DDX46: variants seen among roughly 807,000 people sequenced by gnomAD.
DDX46 encodes the protein probable ATP-dependent RNA helicase DDX46.
In DDX46, 30 loss-of-function variants were observed where a neutral mutation model predicts 134.9. That is an observed-to-expected ratio of 0.22 (90% CI 0.17 to 0.30). The LOEUF is 0.30. Among genes scored for constraint, DDX46 ranks in the 10% least tolerant of loss-of-function variants. The pLI is 1.00. For missense variants in DDX46, 622 were observed against 1,248.7 expected, an observed-to-expected ratio of 0.50 and a Z score of 7.56; for synonymous variants, 415 against 404.1, an observed-to-expected ratio of 1.03 and a Z score of -0.32.
chr5:134,809,508 C>G (rs1300191900), intron 16 of DDX46, among the ~76,000 whole-genome samples: 1 of 152,046 alleles, frequency 6.6e-6, no homozygotes, highest in African/African-American at 2.4e-5. Flanking sequence ...GCTGGGACTA[C>G]AGGCGTGTGC....
At chr5:134,798,479 A>G (rs1306059878) in intron 15 of DDX46, among the ~76,000 whole-genome samples, 1 of 152,216 alleles carries the variant, frequency 6.6e-6, no homozygotes, top group Non-Finnish European at 1.5e-5. Flanking sequence ...CTGGGATTAC[A>G]TGCGTGAACC....
intron 21 of DDX46, among the ~76,000 whole-genome samples, chr5:134,824,423 T>C (rs1755535384): frequency 6.6e-6 from 1 of 152,110 alleles, no homozygotes. Context: ...AAACCCCGTC[T>C]CTACTAAATA....
chr5:134,803,586 T>C (rs986888467), intron 15 of DDX46, among the ~76,000 whole-genome samples: 1 of 152,152 alleles, frequency 6.6e-6, no homozygotes, highest in Non-Finnish European at 1.5e-5. Flanking sequence ...AGTAAGTAAA[T>C]AGAATCCTCT....
At chr5:134,820,967 G>A (rs1256431901) in intron 21 of DDX46, among the ~76,000 whole-genome samples, 1 of 147,082 alleles carries the variant, frequency 6.8e-6, no homozygotes, top group East Asian at 2.0e-4. Flanking sequence ...CTGGGTTCAA[G>A]TAATTCTCGT....
intron 6 of DDX46, among the ~76,000 whole-genome samples, chr5:134,779,278 G>A (rs971386022): frequency 1.3e-5 from 2 of 151,318 alleles, no homozygotes; most frequent in African/African-American, 4.9e-5. Flanking sequence ...ACTGCACCCT[G>A]TGCCTCCCAG....
chr5:134,760,737 GT>G (rs1460529757), intron 1 of DDX46, among the ~76,000 whole-genome samples: 1 of 151,896 alleles, frequency 6.6e-6, no homozygotes, highest in Non-Finnish European at 1.5e-5. Context: ...TTTTGTTTTT[GT>G]TTTTGTTTTT....
rs185100476 is a variant in DDX46, at chr5:134,784,074, A to G, written c.1167-292A>G. 3.3e-3 allele frequency among the ~76,000 whole-genome samples: 507 copies of G among 152,154 alleles called. 4 individuals carry two copies. Among genetic ancestry groups the G allele is most frequent in the Middle Eastern group, 0.027 (8 of 294 alleles). On this transcript the variant is annotated intron_variant, in intron 9 of 22. Coordinates refer to ENST00000452510, the MANE Select transcript of DDX46 (RefSeq NM_001300860.2). ...CTCTCCCCACCCCTGGGCAACCATT[A>G]ATCTATTTTTTGTCTCTAGAATAGA...
At position 134,758,845 on chromosome 5, in the gene DDX46, C is replaced by G. The variant is rs938355757; in HGVS notation, c.-94C>G. 4 of 1,595,506 alleles carry G rather than the reference C, an allele frequency of 2.5e-6. No homozygotes were observed. The African/African-American group carries it at 5.4e-5, about 21-fold the overall frequency. ...GGTGCTGCTAGTGTTTAGCGCTGGT[C>G]TTTGCCGGGCGTTGAGGGCAGCTCA... On this transcript the variant is annotated 5_prime_UTR_variant, in exon 1 of 23. Transcript: ENST00000452510.
At chr5:134,800,304 AG>A (rs2150151138) in intron 15 of DDX46, among the ~76,000 whole-genome samples, 2 of 152,178 alleles carry the variant, frequency 1.3e-5, no homozygotes, top group African/African-American at 4.8e-5. Context: ...TTTACCTCTT[AG>A]AGTTATAGAT....
chr5:134,794,810 A>G (rs755284134), intron 13 of DDX46, 40 bp from the exon 14 acceptor site: 38 of 1,609,188 alleles, frequency 2.4e-5, no homozygotes, highest in Non-Finnish European at 1.7e-6. Context: ...TTTGAAGACC[A>G]TATTTACCAT....
At chr5:134,763,860 G>C (rs1385016418) in intron 1 of DDX46, 44 bp from the exon 2 acceptor site, 1 of 1,548,560 alleles carries the variant, frequency 6.5e-7, no homozygotes, top group Non-Finnish European at 8.7e-7. Context: ...TGTAATAGAA[G>C]CTAATGGTGT....
intron 15 of DDX46, among the ~76,000 whole-genome samples, chr5:134,804,242 A>G (rs1754917865): frequency 6.6e-6 from 1 of 152,112 alleles, no homozygotes; most frequent in Admixed American, 6.6e-5. Flanking sequence ...TTATGAGGCT[A>G]TATGTATTTT....
Position 134,764,005 on chromosome 5 carries a change from C to G in DDX46, c.119C>G (p.Ser40Cys). Reference sequence around the variant, plus strand: ...AGTAAACGTGGAGATGACAGACGGTCTAGAAGTAGAGATAGAGATAGGAGG... The same window carrying G: ...AGTAAACGTGGAGATGACAGACGGTGTAGAAGTAGAGATAGAGATAGGAGG... ...KRSKRGDDRR[S>C]RSRDRDRRRE... The change falls in exon 2 of 23, where the codon TCT becomes TGT. Residue 40 changes from serine (S) to cysteine (C), a missense_variant. Ser to Cys is a moderately radical substitution (Grantham distance 112, BLOSUM62 -1). Coordinates refer to ENST00000452510, the MANE Select transcript of DDX46 (RefSeq NM_001300860.2). The G allele has an allele frequency of 6.2e-7, 1 of 1,614,000 alleles. No homozygotes were observed. The highest frequency in any genetic ancestry group is 8.5e-7 in the Non-Finnish European group (1 of 1,180,032).
At chr5:134,818,766 AATATG>A in intron 20 of DDX46, 89 bp from the exon 21 acceptor site, 1 of 1,041,004 alleles carries the variant, frequency 9.6e-7, no homozygotes, top group Non-Finnish European at 1.4e-6. Flanking sequence ...GACCAACCAT[AATATG>A]ATATCAGCCA....
chr5:134,808,661 A>G (rs1324378806), intron 16 of DDX46, among the ~76,000 whole-genome samples: 1 of 151,534 alleles, frequency 6.6e-6, no homozygotes, highest in African/African-American at 2.4e-5. Context: ...AATTTCTCCT[A>G]CTCCCCTCTT....
chr5:134,805,128 A>G, intron 15 of DDX46: 1 of 207,276 alleles, frequency 4.8e-6, no homozygotes, highest in Non-Finnish European at 1.0e-5. Context: ...CAAATGCTTG[A>G]CCATTCTGAG....
chr5:134,774,533 T>C (rs1561854830), intron 5 of DDX46, among the ~76,000 whole-genome samples: 1 of 152,202 alleles, frequency 6.6e-6, no homozygotes, highest in African/African-American at 2.4e-5. Flanking sequence ...ATTTGAAATA[T>C]AGAATTGTGT....
intron 3 of DDX46, among the ~76,000 whole-genome samples, chr5:134,769,926 G>T (rs957827210): frequency 6.6e-6 from 1 of 152,066 alleles, no homozygotes; most frequent in Non-Finnish European, 1.5e-5. Flanking sequence ...CTCTCAAAGT[G>T]CTGAGATTAG....
At chr5:134,783,202 T>C (rs749726752) in intron 9 of DDX46, 137 bp downstream of exon 9, 2 of 1,215,286 alleles carry the variant, frequency 1.6e-6, no homozygotes, top group South Asian at 3.1e-5. Context: ...AGATAATTTA[T>C]ATATCAAAAT....
Sources: allele counts gnomAD v4.1 joint callset (sites outside exome capture counted in the v4.1 genomes callset), GRCh38; gene constraint gnomAD v4.1.1; transcripts MANE v1.5; gene names NCBI Gene and HGNC (gene_info 2026-07-23, HGNC 2026-07-21).